The following POLR2E variants were observed in gnomAD, a reference collection of about 807,000 sequenced individuals.
The protein encoded by POLR2E is DNA-directed RNA polymerases I, II, and III subunit RPABC1.
POLR2E carries 35 observed loss-of-function variants against 29.8 expected under a neutral mutation model. The ratio of observed to expected loss-of-function variants is 1.17; its 90% CI spans 0.90 to 1.55. The LOEUF is 1.55. POLR2E is among the 40% of genes most tolerant of loss of function. The pLI, the probability that POLR2E is intolerant of heterozygous loss-of-function variation, is 0.00. For synonymous variants in POLR2E, 174 were observed against 112.6 expected (o/e 1.55, Z -3.45); for missense variants, 287 against 288.6 (o/e 0.99, Z 0.04).
intron 2 of POLR2E, among the ~76,000 whole-genome samples, chr19:1,092,545 C>CA (rs1234176050): frequency 1.3e-5 from 2 of 151,810 alleles, no homozygotes; most frequent in African/African-American, 2.4e-5. Context: ...ACTAAAAATA[C>CA]AAAAAATTAG....
Position 1,095,335 on chromosome 19 carries a change from G to A in POLR2E, c.-20C>T, listed in dbSNP as rs371018866. ...GTCCATGGCAGCCTCCGCCGCCGCCGCCGCTCGCACCCCTTCTCCGCGCGA... is the reference window on the plus strand; with the variant it reads ...GTCCATGGCAGCCTCCGCCGCCGCCACCGCTCGCACCCCTTCTCCGCGCGA... On this transcript the variant is annotated 5_prime_UTR_variant, in exon 1 of 8. Transcript: ENST00000615234. 5.4e-4 allele frequency: 874 copies of A among 1,612,360 alleles called. No homozygotes were observed. The highest frequency in any genetic ancestry group is 6.5e-4 in the Non-Finnish European group (767 of 1,179,462).
At chr19:1,094,818 C>G (rs1396998881) in intron 1 of POLR2E, 1 of 191,028 alleles carries the variant, frequency 5.2e-6, no homozygotes, top group Non-Finnish European at 1.1e-5. Context: ...AGCTCCACGT[C>G]CCCATCGAAA....
rs767346455 is a variant in POLR2E, at chr19:1,095,364, C to T, written c.-49G>A. The T allele has an allele frequency of 1.1e-5, 18 of 1,607,602 alleles. No individual in the cohort carries two copies. The South Asian group carries it at 1.5e-4, about 14-fold the overall frequency. ...CTCGCACCCCTTCTCCGCGCGAGAA[C>T]CCGCGCGGACTGCGCCTGCGCCGAA... On this transcript the variant is annotated 5_prime_UTR_variant, in exon 1 of 8. Transcript: ENST00000615234.
intron 6 of POLR2E, 61 bp from the exon 7 acceptor site, chr19:1,089,612 A>G: frequency 7.1e-7 from 1 of 1,405,554 alleles, no homozygotes; most frequent in Non-Finnish European, 1.0e-6. Context: ...GTCACCAGAC[A>G]GCAGGCGGGC....
intron 3 of POLR2E, 173 bp downstream of exon 3, chr19:1,091,619 G>C (rs527960974): frequency 3.3e-6 from 2 of 602,254 alleles, no homozygotes; most frequent in East Asian, 5.6e-5. Context: ...TGGGGCCCAT[G>C]GACGCGGTGG....
chr19:1,090,125 G>C lies in POLR2E; in HGVS notation c.450C>G (p.Val150=), dbSNP rs978577632. 6.2e-7 allele frequency: 1 copy of C among 1,612,706 alleles called. No individual in the cohort carries two copies. Among genetic ancestry groups the C allele is most frequent in the Non-Finnish European group, 8.5e-7 (1 of 1,179,962 alleles). The change falls in exon 5 of 8, where the codon GTC becomes GTG. Residue 150 remains valine, a synonymous_variant. Coordinates refer to ENST00000615234, the MANE Select transcript of POLR2E (RefSeq NM_002695.5). ...GCTCTGTCACCTCCTCCTTGGTCAT[G>C]ACGACGTGCTCAGGGACTAGCTGCC... ...TEHELVPEHV[V]MTKEEVTELL... is the part of the protein sequence containing the mutation.
At chr19:1,092,928 G>A (rs2043868952) in intron 2 of POLR2E, among the ~76,000 whole-genome samples, 1 of 147,872 alleles carries the variant, frequency 6.8e-6, no homozygotes, top group Non-Finnish European at 1.5e-5. Context: ...GCTCACGCCT[G>A]TAATCCCAGC....
In POLR2E at chr19:1,088,429, C is replaced by G. The variant is rs546409118; in HGVS notation, c.*306G>C. On this transcript the variant is annotated 3_prime_UTR_variant, in exon 8 of 8. Coordinates refer to ENST00000615234, the MANE Select transcript of POLR2E (RefSeq NM_002695.5). ...GGAGACCCGGACCCCAAACCCCCAA[C>G]AGAGGGGACCCAGCGTGGTCTGGGT... 5.3e-5 allele frequency: 8 copies of G among 152,360 alleles called. No individual in the cohort carries two copies. Among genetic ancestry groups the G allele is most frequent in the Non-Finnish European group, 8.8e-5 (6 of 68,116 alleles). The allele number at this position is 152,360 out of a possible 1,614,324, so 9.4% of individuals were successfully genotyped here. A position where few individuals can be genotyped will look rare whatever the true frequency, so the allele number is the denominator to read the frequency against.
intron 3 of POLR2E, chr19:1,091,454 A>T (rs1306949817): frequency 2.6e-6 from 1 of 383,406 alleles, no homozygotes; most frequent in Non-Finnish European, 4.9e-6. Flanking sequence ...CTCCTCTGCA[A>T]GTCCCCCTGG....
chr19:1,090,619 C>G (rs1309741241), intron 4 of POLR2E, among the ~76,000 whole-genome samples: 1 of 151,904 alleles, frequency 6.6e-6, no homozygotes, highest in Non-Finnish European at 1.5e-5. Flanking sequence ...GGGGTTTCAC[C>G]GTGTTAGCCA....
rs1462124845 is a variant in POLR2E at position 1,091,892 on chromosome 19, C to T, written c.248G>A (p.Gly83Asp). 2 of 1,611,128 alleles carry T rather than the reference C, an allele frequency of 1.2e-6. No homozygotes were observed. The highest frequency in any genetic ancestry group is 1.7e-6 in the Non-Finnish European group (2 of 1,178,234). The change falls in exon 3 of 8, where the codon GGC (glycine) becomes GAC (aspartate). Residue 83 changes from glycine to aspartate, a missense_variant. Physicochemically the swap from Gly to Asp is moderately conservative, Grantham distance 94. Transcript: ENST00000615234. The part of the protein sequence containing the change: ...FVFFPEEPKV[G>D]IKTIKVYCQR... ...GCAGTACACCTTGATGGTCTTGATG[C>T]CCACCTTGGGCTCCTCTGCAGACAG... is the stretch of plus-strand genomic sequence containing the variant.
In POLR2E at chr19:1,092,498, G is replaced by A. The variant is rs551265982; in HGVS notation, c.233-591C>T. Among the ~76,000 whole-genome samples, 6 of 151,302 alleles carry A rather than the reference G, an allele frequency of 4.0e-5. No individual in the cohort carries two copies. The East Asian group carries it at 7.9e-4, about 20-fold the overall frequency. Reference sequence around the variant, plus strand: ...GGGCAGATCACGATGTCAGGAGATCGAGACCACCCTGGCTAACAAGGTGAA... The same window carrying A: ...GGGCAGATCACGATGTCAGGAGATCAAGACCACCCTGGCTAACAAGGTGAA... On this transcript the variant is annotated intron_variant, in intron 2 of 7. Coordinates refer to ENST00000615234, the MANE Select transcript of POLR2E (RefSeq NM_002695.5).
At chr19:1,095,144 G>A (rs978992516) in intron 1 of POLR2E, 115 bp downstream of exon 1, 9 of 1,109,030 alleles carry the variant, frequency 8.1e-6, no homozygotes, top group African/African-American at 1.6e-5. Flanking sequence ...GTATCGGCCC[G>A]GCCCTTCATC....
chr19:1,090,268 C>T (rs995902319), intron 4 of POLR2E, 123 bp from the exon 5 acceptor site: 19 of 833,736 alleles, frequency 2.3e-5, no homozygotes, highest in South Asian at 2.2e-4. Flanking sequence ...CCCCGATCCC[C>T]GGCACTCAGG....
rs1208995848 is a variant in POLR2E, at chr19:1,087,970, C to T, written c.*765G>A. 6.6e-6 allele frequency: 1 copy of T among 150,452 alleles called. No homozygotes were observed. The highest frequency in any genetic ancestry group is 1.9e-4 in the East Asian group (1 of 5,282). The allele number at this position is 150,452 out of a possible 1,614,324, so 9.3% of individuals were successfully genotyped here. A position where few individuals can be genotyped will look rare whatever the true frequency, so the allele number is the denominator to read the frequency against. On this transcript the variant is annotated 3_prime_UTR_variant, in exon 8 of 8. Transcript: ENST00000615234. ...CAGCTGCACAAGCCAGAGAACAACTCCACACCCTCACGGGAAGGGAAGAGA... is the reference window on the plus strand; with the variant it reads ...CAGCTGCACAAGCCAGAGAACAACTTCACACCCTCACGGGAAGGGAAGAGA...
chr19:1,091,963 CACCCAGA>C, intron 2 of POLR2E, 56 bp from the exon 3 acceptor site: 7 of 1,250,394 alleles, frequency 5.6e-6, no homozygotes, highest in Non-Finnish European at 8.2e-6. Context: ...GGCCCTCGCC[CACCCAGA>C]GCCCAGAGCA....
rs766492286 is a variant in POLR2E at position 1,089,491 on chromosome 19, G to A, written c.628C>T (p.Gln210Ter). ...TCTCACCTGTCAGGCGGTAGCTACTGCACCAGCCGGTAGGTGATGTACCTG... is the reference window on the plus strand; with the variant it reads ...TCTCACCTGTCAGGCGGTAGCTACTACACCAGCCGGTAGGTGATGTACCTG... Reference protein sequence around the residue: ...AGRYITYRLVQ With the variant: ...AGRYITYRLV Residue 210 changes from glutamine (Q) to a stop codon, truncating the protein, a stop_gained, in exon 7 of 8, where the codon CAG becomes TAG. Transcript: ENST00000615234. LOFTEE classifies it high-confidence loss of function. 6.2e-7 allele frequency: 1 copy of A among 1,612,286 alleles called. No individual in the cohort carries two copies. The highest frequency in any genetic ancestry group is 8.5e-7 in the Non-Finnish European group (1 of 1,179,018).
intron 2 of POLR2E, among the ~76,000 whole-genome samples, chr19:1,093,403 G>C (rs577612287): frequency 6.6e-6 from 1 of 152,140 alleles, no homozygotes; most frequent in East Asian, 1.9e-4. Flanking sequence ...GGGTCCCAGG[G>C]GTCCTGGGAA....
At chr19:1,088,774 A>G (rs1568506284) in intron 7 of POLR2E, 54 bp from the exon 8 acceptor site, 1 of 151,388 alleles carries the variant, frequency 6.6e-6, no homozygotes, top group Non-Finnish European at 1.5e-5. Context: ...TATGCCCAGG[A>G]CAGCACAACG....
Sources: allele counts gnomAD v4.1 joint callset (sites outside exome capture counted in the v4.1 genomes callset), GRCh38; gene constraint gnomAD v4.1.1; transcripts MANE v1.5; gene names NCBI Gene and HGNC (gene_info 2026-07-23, HGNC 2026-07-21).